The following DPP10 variants were observed in gnomAD, a reference collection of about 807,000 sequenced individuals.
DPP10 encodes the protein dipeptidyl peptidase like 10, also known as inactive dipeptidyl peptidase 10.
DPP10 carries 33 observed loss-of-function variants against 120.9 expected under a neutral mutation model. That is an observed-to-expected ratio of 0.27 (90% CI 0.21 to 0.37). DPP10 has a LOEUF of 0.37. DPP10 is among the 10% of genes least tolerant of loss of function. The pLI is 1.00. For synonymous variants in DPP10, 337 were observed against 326.1 expected (o/e 1.03, Z -0.36); for missense variants, 816 against 942.8 (o/e 0.87, Z 1.76).
At chr2:114,570,450 A>G (rs913708631) in intron 1 of DPP10, among the ~76,000 whole-genome samples, 3 of 152,114 alleles carry the variant, frequency 2.0e-5, no homozygotes, top group East Asian at 1.9e-4. Flanking sequence ...ACAATCCAAC[A>G]TAAGATCCCT....
At chr2:115,435,535 A>G (rs2071416939) in intron 3 of DPP10, among the ~76,000 whole-genome samples, 1 of 151,608 alleles carries the variant, frequency 6.6e-6, no homozygotes, top group Non-Finnish European at 1.5e-5. Flanking sequence ...CCAATTTTTA[A>G]TTGGATTATT....
At chr2:115,611,237 C>T (rs2084076052) in intron 5 of DPP10, among the ~76,000 whole-genome samples, 1 of 152,130 alleles carries the variant, frequency 6.6e-6, no homozygotes, top group Non-Finnish European at 1.5e-5. Context: ...GTATTCTTCA[C>T]TTTTGAAGAA....
intron 1 of DPP10, among the ~76,000 whole-genome samples, chr2:114,705,677 G>A (rs1217830299): frequency 6.6e-6 from 1 of 152,090 alleles, no homozygotes; most frequent in African/African-American, 2.4e-5. Context: ...ACTATTGAAT[G>A]TATAAATGAT....
chr2:114,587,863 A>C (rs1363612180), intron 1 of DPP10, among the ~76,000 whole-genome samples: 1 of 152,246 alleles, frequency 6.6e-6, no homozygotes, highest in Non-Finnish European at 1.5e-5. Flanking sequence ...GAGAATGAGC[A>C]ATAATATTTG....
intron 17 of DPP10, among the ~76,000 whole-genome samples, chr2:115,790,333 C>G (rs1683826811): frequency 6.6e-6 from 1 of 152,012 alleles, no homozygotes; most frequent in African/African-American, 2.4e-5. Context: ...CCCGCCTCGG[C>G]CTCCCAAAGT....
chr2:114,634,012 A>G (rs1455977153), intron 1 of DPP10, among the ~76,000 whole-genome samples: 1 of 151,932 alleles, frequency 6.6e-6, no homozygotes, highest in East Asian at 1.9e-4. Context: ...TGAAATTTAG[A>G]TACAACATCT....
At chr2:115,760,571 C>T (rs1396854934) in intron 11 of DPP10, among the ~76,000 whole-genome samples, 1 of 152,120 alleles carries the variant, frequency 6.6e-6, no homozygotes, top group African/African-American at 2.4e-5. Context: ...TTTAAATGGT[C>T]TGTGAAGGAG....
intron 3 of DPP10, among the ~76,000 whole-genome samples, chr2:115,414,958 C>T (rs2069261651): frequency 6.6e-6 from 1 of 152,152 alleles, no homozygotes; most frequent in African/African-American, 2.4e-5. Flanking sequence ...TGTTAAGATG[C>T]AGAGAGATCT....
chr2:114,504,099 C>T (rs1452155692), intron 1 of DPP10, among the ~76,000 whole-genome samples: 1 of 152,148 alleles, frequency 6.6e-6, no homozygotes, highest in Non-Finnish European at 1.5e-5. Context: ...TGTAGTCTTT[C>T]TATAACTTAG....
At chr2:115,436,848 T>G (rs976223331) in intron 3 of DPP10, among the ~76,000 whole-genome samples, 1 of 151,900 alleles carries the variant, frequency 6.6e-6, no homozygotes, top group African/African-American at 2.4e-5. Context: ...ATATGAGGCA[T>G]TTTAAACTGA....
intron 1 of DPP10, among the ~76,000 whole-genome samples, chr2:114,840,525 CA>C (rs1477750395): frequency 3.9e-5 from 6 of 152,058 alleles, no homozygotes; most frequent in Admixed American, 3.3e-4. Flanking sequence ...CAAAACCCCC[CA>C]AAACTTAAGA....
intron 1 of DPP10, among the ~76,000 whole-genome samples, chr2:114,938,166 G>A (rs146123789): frequency 2.0e-4 from 30 of 152,174 alleles, no homozygotes; most frequent in African/African-American, 6.7e-4. Context: ...TCTCCCAACT[G>A]TCGGTTTGTA....
intron 1 of DPP10, among the ~76,000 whole-genome samples, chr2:114,645,562 T>C (rs1292241424): frequency 6.6e-6 from 1 of 152,228 alleles, no homozygotes; most frequent in Non-Finnish European, 1.5e-5. Flanking sequence ...CAGATCAATT[T>C]TGAAGTTGTT....
At chr2:114,730,069 T>C (rs1676744281) in intron 1 of DPP10, among the ~76,000 whole-genome samples, 1 of 152,196 alleles carries the variant, frequency 6.6e-6, no homozygotes, top group African/African-American at 2.4e-5. Flanking sequence ...ACTTTGAAAA[T>C]TATTTTTAAG....
intron 5 of DPP10, among the ~76,000 whole-genome samples, chr2:115,686,579 T>A (rs2091000738): frequency 6.6e-6 from 1 of 151,988 alleles, no homozygotes; most frequent in African/African-American, 2.4e-5. Flanking sequence ...TAGTCAACTC[T>A]TAGTAATCAA....
chr2:115,384,171 A>C (rs1015585926), intron 3 of DPP10, among the ~76,000 whole-genome samples: 1 of 152,152 alleles, frequency 6.6e-6, no homozygotes, highest in African/African-American at 2.4e-5. Flanking sequence ...CCTCAAAGAA[A>C]GTCATAGAAA....
intron 1 of DPP10, among the ~76,000 whole-genome samples, chr2:114,730,073 T>A (rs1367502432): frequency 6.6e-6 from 1 of 152,246 alleles, no homozygotes; most frequent in Admixed American, 6.5e-5. Flanking sequence ...TGAAAATTAT[T>A]TTTAAGCATT....
intron 1 of DPP10, among the ~76,000 whole-genome samples, chr2:115,106,586 G>A (rs953552327): frequency 6.6e-6 from 1 of 152,018 alleles, no homozygotes; most frequent in African/African-American, 2.4e-5. Flanking sequence ...TCAGCTCCCC[G>A]AGTAGCTGGG....
intron 5 of DPP10, among the ~76,000 whole-genome samples, chr2:115,595,886 T>G (rs1166645686): frequency 6.6e-6 from 1 of 152,182 alleles, no homozygotes; most frequent in Non-Finnish European, 1.5e-5. Flanking sequence ...TACTTTATTA[T>G]ATGCTTTGTA....
Sources: gnomAD v4.1 joint callset for allele counts (sites outside exome capture counted in the v4.1 genomes callset) on GRCh38, gnomAD v4.1.1 for gene constraint, MANE v1.5 for transcripts, NCBI Gene and HGNC (gene_info 2026-07-23, HGNC 2026-07-21) for gene names.